PPM1L: variants seen among roughly 807,000 people sequenced by gnomAD.
PPM1L encodes the protein protein phosphatase, Mg2+/Mn2+ dependent 1L, also known as protein phosphatase 1L.
Under a neutral mutation model 31.4 loss-of-function variants are expected in PPM1L, and 13 were observed. The ratio of observed to expected loss-of-function variants is 0.41; its 90% CI spans 0.27 to 0.66. The LOEUF (loss-of-function observed/expected upper bound fraction) is 0.66. PPM1L is among the 30% of genes least tolerant of loss of function. PPM1L has a pLI of 0.29. For synonymous variants in PPM1L, 184 were observed against 175.4 expected, an observed-to-expected ratio of 1.05 and a Z score of -0.39; for missense variants, 326 against 453.7, an observed-to-expected ratio of 0.72 and a Z score of 2.56.
rs78358361 is a variant in PPM1L, at chr3:160,985,425, G to A, written c.574+23515G>A. 7.6e-4 allele frequency among the ~76,000 whole-genome samples: 116 copies of A among 152,328 alleles called. No individual in the cohort carries two copies. In the East Asian group the frequency reaches 0.022, roughly 29 times the overall value. ...GATGAAAGGACCTCATTAACATGTGGTTGGACCAATCAGGCATGTCCTAGT... is the reference window on the plus strand; with the variant it reads ...GATGAAAGGACCTCATTAACATGTGATTGGACCAATCAGGCATGTCCTAGT... On this transcript the variant is annotated intron_variant, in intron 2 of 3. Transcript: ENST00000498165.
intron 2 of PPM1L, among the ~76,000 whole-genome samples, chr3:161,055,526 T>G (rs1206346820): frequency 6.6e-6 from 1 of 152,182 alleles, no homozygotes; most frequent in Non-Finnish European, 1.5e-5. Context: ...CTTGATGTCA[T>G]CTATGCCCTG....
At chr3:160,982,970 A>T (rs1478474213) in intron 2 of PPM1L, among the ~76,000 whole-genome samples, 1 of 152,242 alleles carries the variant, frequency 6.6e-6, no homozygotes, top group Non-Finnish European at 1.5e-5. Context: ...TCATATTTTT[A>T]ACTTTTTTCT....
chr3:160,981,308 T>A (rs968430471), intron 2 of PPM1L, among the ~76,000 whole-genome samples: 1 of 152,174 alleles, frequency 6.6e-6, no homozygotes, highest in African/African-American at 2.4e-5. Context: ...AGGGGAGCAG[T>A]CTCTGAAGAT....
At chr3:160,923,738 C>T (rs1311993237) in intron 1 of PPM1L, among the ~76,000 whole-genome samples, 2 of 152,146 alleles carry the variant, frequency 1.3e-5, no homozygotes, top group Non-Finnish European at 2.9e-5. Flanking sequence ...GTGTAGGATG[C>T]TACTGCATTT....
chr3:160,841,279 G>A (rs1408429261), intron 1 of PPM1L, among the ~76,000 whole-genome samples: 4 of 151,714 alleles, frequency 2.6e-5, no homozygotes, highest in East Asian at 3.9e-4. Context: ...GAACCCGGCT[G>A]TGTTCTCACA....
At chr3:160,935,980 A>C (rs902086541) in intron 1 of PPM1L, among the ~76,000 whole-genome samples, 1 of 152,194 alleles carries the variant, frequency 6.6e-6, no homozygotes, top group Non-Finnish European at 1.5e-5. Flanking sequence ...GAGATTCGGC[A>C]ATAAACTAAG....
chr3:160,814,146 C>A (rs1712894237), intron 1 of PPM1L, among the ~76,000 whole-genome samples: 2 of 152,110 alleles, frequency 1.3e-5, no homozygotes, highest in African/African-American at 4.8e-5. Context: ...GGCCTAGAAA[C>A]TGCCTTTCTT....
At chr3:160,760,479 C>G (rs986154348) in intron 1 of PPM1L, among the ~76,000 whole-genome samples, 1 of 152,082 alleles carries the variant, frequency 6.6e-6, no homozygotes, top group African/African-American at 2.4e-5. Flanking sequence ...CCAGCTTCCT[C>G]CCTTGATTCT....
rs1576631409 is a variant in PPM1L at position 161,076,238 on chromosome 3, C to T, written c.*7081C>T. 6.6e-6 allele frequency: 1 copy of T among 152,098 alleles called. No homozygotes were observed. The highest frequency in any genetic ancestry group is 1.9e-4 in the East Asian group (1 of 5,194). The allele number at this position is 152,098 out of a possible 1,614,324, so 9.4% of individuals were successfully genotyped here. The stretch of plus-strand genomic sequence containing the variant: ...TGTCTTTTGTATAACTTTTAAATTC[C>T]CATTTGTCTATCTTAGGACAAATGA... On this transcript the variant is annotated 3_prime_UTR_variant, in exon 4 of 4. Coordinates refer to ENST00000498165, the MANE Select transcript of PPM1L (RefSeq NM_139245.4).
chr3:160,806,530 A>G (rs1404152172), intron 1 of PPM1L, among the ~76,000 whole-genome samples: 1 of 152,054 alleles, frequency 6.6e-6, no homozygotes, highest in African/African-American at 2.4e-5. Context: ...TGCAATACAT[A>G]CTTTTATTGA....
At chr3:160,887,999 C>T (rs1403064540) in intron 1 of PPM1L, among the ~76,000 whole-genome samples, 4 of 152,138 alleles carry the variant, frequency 2.6e-5, no homozygotes, top group Non-Finnish European at 5.9e-5. Flanking sequence ...ATTTCATTAT[C>T]ACTAGGCCTG....
intron 1 of PPM1L, among the ~76,000 whole-genome samples, chr3:160,812,060 T>C (rs1342039840): frequency 6.6e-6 from 1 of 152,154 alleles, no homozygotes; most frequent in Non-Finnish European, 1.5e-5. Flanking sequence ...CTTCAGATTT[T>C]GATGAGGGTG....
At chr3:160,848,434 T>G (rs1714150213) in intron 1 of PPM1L, among the ~76,000 whole-genome samples, 1 of 152,178 alleles carries the variant, frequency 6.6e-6, no homozygotes, top group Non-Finnish European at 1.5e-5. Context: ...CTATTGTAAC[T>G]TCTTCATTTT....
intron 2 of PPM1L, among the ~76,000 whole-genome samples, chr3:160,965,792 G>C (rs965792439): frequency 6.6e-6 from 1 of 151,932 alleles, no homozygotes; most frequent in Non-Finnish European, 1.5e-5. Flanking sequence ...TTAATTATTA[G>C]TTAGAAGATA....
At position 160,835,023 on chromosome 3, in the gene PPM1L, TAC is replaced by T. The variant is rs1391749747; in HGVS notation, c.399+78317_399+78318del. On this transcript the variant is annotated intron_variant, in intron 1 of 3. Transcript: ENST00000498165. ...ACTGACAACCTATTACTACTACTAC[TAC>T]TATTACTACTACTACTTCTTCTTCT... Among the ~76,000 whole-genome samples, 12 of 146,410 alleles carry T rather than the reference TAC, an allele frequency of 8.2e-5. No homozygotes were observed. The Admixed American group carries it at 8.2e-4, about 10-fold the overall frequency.
chr3:160,992,769 C>T (rs1261051023), intron 2 of PPM1L, among the ~76,000 whole-genome samples: 1 of 152,200 alleles, frequency 6.6e-6, no homozygotes, highest in Non-Finnish European at 1.5e-5. Flanking sequence ...CAGTTTGGAT[C>T]ACATGTTCTT....
intron 1 of PPM1L, among the ~76,000 whole-genome samples, chr3:160,782,167 GT>G (rs141627976): frequency 2.7e-5 from 4 of 145,950 alleles, no homozygotes; most frequent in Non-Finnish European, 3.0e-5. Flanking sequence ...TATTCTGTTT[GT>G]TTTTTTTTTG....
intron 1 of PPM1L, among the ~76,000 whole-genome samples, chr3:160,765,072 G>A (rs1715071209): frequency 6.6e-6 from 1 of 152,150 alleles, no homozygotes; most frequent in African/African-American, 2.4e-5. Context: ...TAATATGCCA[G>A]GCAGTATTTA....
At chr3:160,795,862 C>T (rs1440536583) in intron 1 of PPM1L, among the ~76,000 whole-genome samples, 1 of 152,186 alleles carries the variant, frequency 6.6e-6, no homozygotes, top group Non-Finnish European at 1.5e-5. Context: ...ACAGGGCTCC[C>T]CCAGGTTTTC....
Sources: gnomAD v4.1 joint callset for allele counts (sites outside exome capture counted in the v4.1 genomes callset) on GRCh38, gnomAD v4.1.1 for gene constraint, MANE v1.5 for transcripts, NCBI Gene and HGNC (gene_info 2026-07-23, HGNC 2026-07-21) for gene names.